The following HDAC4 variants were observed in gnomAD, a reference collection of about 807,000 sequenced individuals.
HDAC4 encodes histone deacetylase A.
In HDAC4, 16 loss-of-function variants were observed where a neutral mutation model predicts 135.1. The ratio of observed to expected loss-of-function variants is 0.12; its 90% confidence interval spans 0.08 to 0.18. HDAC4 has a LOEUF of 0.18. Among genes scored for constraint, HDAC4 ranks in the 10% least tolerant of loss-of-function variants. The probability of loss-of-function intolerance (pLI) is 1.00; values close to 1 mark genes in which losing one functional copy is unlikely to be tolerated. For synonymous variants in HDAC4, 685 were observed against 653.4 expected (o/e 1.05, Z -0.74); for missense variants, 1,143 against 1,511.8 (o/e 0.76, Z 4.05).
rs1201884818 is a variant in HDAC4, at chr2:239,068,915, G to T, written c.2751-308C>A. ...CCCCACTGCACTTGCTTGGTGAGAG[G>T]GAGTCACGGTGCAAGCCAGCAAGCC... On this transcript the variant is annotated intron_variant, in intron 22 of 26. Coordinates refer to ENST00000543185, the MANE Select transcript of HDAC4 (RefSeq NM_001378414.1). This position sits in a 1 kb window ranked among gnomAD's most constrained non-coding sequence, Gnocchi z 4.4. 1.8e-3 allele frequency: 484 copies of T among 267,768 alleles called. No individual in the cohort carries two copies. Among genetic ancestry groups the T allele is most frequent in the Middle Eastern group, 2.5e-3 (3 of 1,186 alleles). The allele number at this position is 267,768 out of a possible 1,614,324, so 16.6% of individuals were successfully genotyped here.
intron 22 of HDAC4, among the ~76,000 whole-genome samples, chr2:239,074,650 A>G (rs1410290348): frequency 6.6e-6 from 1 of 152,218 alleles, no homozygotes; most frequent in African/African-American, 2.4e-5. Flanking sequence ...GATCCCAAAC[A>G]CCTGCTAGAC....
At chr2:239,391,867 G>C (rs60286975) in intron 1 of HDAC4, among the ~76,000 whole-genome samples, 1 of 152,198 alleles carries the variant, frequency 6.6e-6, no homozygotes, top group East Asian at 1.9e-4. Flanking sequence ...TCTGGCCTCC[G>C]CTTAACCAGA....
intron 3 of HDAC4, among the ~76,000 whole-genome samples, chr2:239,213,137 G>A (rs2046431439): frequency 6.6e-6 from 1 of 151,902 alleles, no homozygotes; most frequent in Admixed American, 6.5e-5. Context: ...CCCAGAATAT[G>A]AGACGGCCAC....
At chr2:239,076,314 C>T (rs922381612) in intron 22 of HDAC4, among the ~76,000 whole-genome samples, 11 of 152,242 alleles carry the variant, frequency 7.2e-5, no homozygotes, top group African/African-American at 2.7e-4. Context: ...CTCGTGCAGC[C>T]TCCCAGCTGT....
At chr2:239,265,643 A>G (rs1429091778) in intron 2 of HDAC4, among the ~76,000 whole-genome samples, 2 of 152,186 alleles carry the variant, frequency 1.3e-5, no homozygotes, top group Non-Finnish European at 2.9e-5. Context: ...GGTGATGCCA[A>G]TGCTCACCAG....
chr2:239,163,670 CTTGGGGTT>C (rs2042957308), intron 6 of HDAC4, 125 bp downstream of exon 6: 13 of 950,126 alleles, frequency 1.4e-5, no homozygotes, highest in Non-Finnish European at 2.2e-5. Flanking sequence ...CACCACTGTG[CTTGGGGTT>C]TCAATTCCTC....
chr2:239,121,529 G>C (rs1010299550), intron 12 of HDAC4, among the ~76,000 whole-genome samples: 1 of 152,214 alleles, frequency 6.6e-6, no homozygotes, highest in Non-Finnish European at 1.5e-5. Context: ...TGCGGATGGC[G>C]TGTGCTGCCA....
At chr2:239,239,120 A>G (rs968161658) in intron 2 of HDAC4, among the ~76,000 whole-genome samples, 1 of 152,164 alleles carries the variant, frequency 6.6e-6, no homozygotes, top group African/African-American at 2.4e-5. Context: ...CACTCTGACA[A>G]TAACTGCCCA....
intron 12 of HDAC4, 38 bp downstream of exon 12, chr2:239,126,418 C>T (rs369747004): frequency 2.0e-5 from 32 of 1,612,384 alleles, no homozygotes; most frequent in Middle Eastern, 1.9e-4. Context: ...AGCACACAGC[C>T]GCCCTGGGGC....
chr2:239,156,622 T>C (rs1454449502), intron 7 of HDAC4, 30 bp downstream of exon 7: 25 of 1,613,756 alleles, frequency 1.5e-5, no homozygotes, highest in Non-Finnish European at 1.9e-5. Context: ...GCAGGAGACC[T>C]CCCGGCCCAC....
At chr2:239,081,776 T>G (rs1574947615) in intron 21 of HDAC4, among the ~76,000 whole-genome samples, 1 of 151,744 alleles carries the variant, frequency 6.6e-6, no homozygotes, top group East Asian at 1.9e-4. Context: ...TGCCGGAGGG[T>G]GTCCTGTGGA....
intron 21 of HDAC4, among the ~76,000 whole-genome samples, chr2:239,081,551 C>A (rs118015445): frequency 6.6e-6 from 1 of 152,330 alleles, no homozygotes; most frequent in South Asian, 2.1e-4. Context: ...AAAGTGTCTC[C>A]GATGAGCCTG....
At chr2:239,157,398 G>C (rs542112122) in intron 6 of HDAC4, among the ~76,000 whole-genome samples, 2 of 152,176 alleles carry the variant, frequency 1.3e-5, no homozygotes, top group Admixed American at 6.5e-5. Flanking sequence ...CTGTGCCCAG[G>C]GAGCTGACCT....
At position 239,227,596 on chromosome 2, in the gene HDAC4, G is replaced by A. The variant is rs535162633; in HGVS notation, c.94+8997C>T. Among the ~76,000 whole-genome samples, 4 of 152,290 alleles carry A rather than the reference G, an allele frequency of 2.6e-5. No individual in the cohort carries two copies. The South Asian group carries it at 8.3e-4, about 32-fold the overall frequency. On this transcript the variant is annotated intron_variant, in intron 3 of 26. Transcript: ENST00000543185. ...TGGACAGACAGACAAGCACCTTGGG[G>A]AAATGCAGACAGAGAGAAGGGAAGA...
In HDAC4 at chr2:239,375,425, G is replaced by A. The variant is rs142707191; in HGVS notation, c.-219-22507C>T. Among the ~76,000 whole-genome samples the A allele has an allele frequency of 1.3e-3, 196 of 151,300 alleles. 4 individuals are homozygous for A. The highest frequency in any genetic ancestry group is 4.2e-3 in the Admixed American group (63 of 15,160). ...CCAGCGAGGATGCCTGGTGGCCCAC[G>A]GCCAGCCCAACCCCACCGTGAGGAT... On this transcript the variant is annotated intron_variant, in intron 1 of 26. Transcript: ENST00000543185.
chr2:239,214,975 G>A (rs2046547392), intron 3 of HDAC4, among the ~76,000 whole-genome samples: 2 of 152,192 alleles, frequency 1.3e-5, no homozygotes, highest in Non-Finnish European at 2.9e-5. Context: ...AACTTGCTGA[G>A]TCTGAGAACG....
intron 2 of HDAC4, among the ~76,000 whole-genome samples, chr2:239,257,560 G>A (rs2049119840): frequency 6.6e-6 from 1 of 152,180 alleles, no homozygotes; most frequent in Non-Finnish European, 1.5e-5. Flanking sequence ...GGAAATGTGG[G>A]TTGGGATCTG....
At position 239,349,279 on chromosome 2, in the gene HDAC4, C is replaced by T. The variant is rs1299306249; in HGVS notation, c.22+3399G>A. 1.3e-5 allele frequency among the ~76,000 whole-genome samples: 2 copies of T among 152,204 alleles called. No homozygotes were observed. The highest frequency in any genetic ancestry group is 2.9e-5 in the Non-Finnish European group (2 of 68,036). ...GAGGTGCAGCCAGGTAGGCCCCGAA[C>T]ACCACGTTGCCAGGACTCGGCTCCT... On this transcript the variant is annotated intron_variant, in intron 2 of 26. Transcript: ENST00000543185. The surrounding 1 kb of genome is among the most constrained non-coding windows in gnomAD (Gnocchi z 5.7).
intron 3 of HDAC4, among the ~76,000 whole-genome samples, chr2:239,191,437 T>A: frequency 6.6e-6 from 1 of 152,184 alleles, no homozygotes; most frequent in Non-Finnish European, 1.5e-5. Flanking sequence ...AAACAGCCCA[T>A]AGGTGGCAGC....
Sources: gnomAD v4.1 joint callset for allele counts (sites outside exome capture counted in the v4.1 genomes callset) on GRCh38, gnomAD v4.1.1 for gene constraint, Gnocchi (gnomAD v3.1) non-coding constraint, MANE v1.5 for transcripts, NCBI Gene and HGNC (gene_info 2026-07-23, HGNC 2026-07-21) for gene names.